The following DENND2A variants were observed in gnomAD, a reference collection of about 807,000 sequenced individuals.
The protein encoded by DENND2A is DENN domain containing 2A, also known as DENN domain-containing protein 2A.
In DENND2A, 53 loss-of-function variants were observed where a neutral mutation model predicts 105.3. That is an observed-to-expected ratio of 0.50 (90% CI 0.40 to 0.63). The LOEUF is 0.63. Among genes scored for constraint, DENND2A ranks in the 30% least tolerant of loss-of-function variants. The pLI is 0.00. For synonymous variants in DENND2A, 522 were observed against 508.4 expected, an observed-to-expected ratio of 1.03 and a Z score of -0.36; for missense variants, 1,138 against 1,279.6, an observed-to-expected ratio of 0.89 and a Z score of 1.69.
intron 1 of DENND2A, among the ~76,000 whole-genome samples, chr7:140,624,489 C>T (rs1800432170): frequency 6.6e-6 from 1 of 152,108 alleles, no homozygotes; most frequent in Non-Finnish European, 1.5e-5. Context: ...ACACTGTGGC[C>T]CAGGGGGGTT....
intron 3 of DENND2A, among the ~76,000 whole-genome samples, chr7:140,598,375 T>C (rs1328784999): frequency 1.3e-5 from 2 of 152,234 alleles, no homozygotes; most frequent in Non-Finnish European, 2.9e-5. Flanking sequence ...AGTGAAACTC[T>C]AGATGCGTTA....
chr7:140,576,800 A>G (rs10227869), intron 5 of DENND2A, among the ~76,000 whole-genome samples: 4,060 of 152,320 alleles, frequency 0.027, 185 homozygotes, highest in African/African-American at 0.092. Context: ...CACAAAAAGA[A>G]GGAAGAGGGG....
At position 140,527,176 on chromosome 7, in the gene DENND2A, C is replaced by T; in HGVS notation, c.2505+142G>A. ...AGTCAGCCTCTGGGCAGGACCCATG[C>T]CAGACAAAGCCCTGGTGCCCCCACG... On this transcript the variant is annotated intron_variant, in intron 15 of 19. Coordinates refer to ENST00000496613, the MANE Select transcript of DENND2A (RefSeq NM_015689.5). The surrounding 1 kb of genome is among the most constrained non-coding windows in gnomAD (Gnocchi z 4.9). The T allele has an allele frequency of 1.1e-6, 1 of 881,764 alleles. No homozygotes were observed. Among genetic ancestry groups the T allele is most frequent in the Non-Finnish European group, 1.7e-6 (1 of 601,676 alleles). The allele number at this position is 881,764 out of a possible 1,614,324, so 54.6% of individuals were successfully genotyped here.
chr7:140,570,454 C>T (rs376969112), intron 6 of DENND2A, among the ~76,000 whole-genome samples: 37 of 152,348 alleles, frequency 2.4e-4, no homozygotes, highest in African/African-American at 8.4e-4. Flanking sequence ...CCAGGCAGGG[C>T]TCCCTTCATG....
At chr7:140,545,953 A>T (rs898182320) in intron 13 of DENND2A, among the ~76,000 whole-genome samples, 2 of 152,082 alleles carry the variant, frequency 1.3e-5, no homozygotes, top group East Asian at 3.8e-4. Flanking sequence ...CTGGGAAACT[A>T]GGTTGTTCCA....
At chr7:140,586,145 G>C (rs1798770071) in intron 4 of DENND2A, among the ~76,000 whole-genome samples, 1 of 152,096 alleles carries the variant, frequency 6.6e-6, no homozygotes, top group Admixed American at 6.6e-5. Flanking sequence ...AAGAAGATAT[G>C]GATTCCAGGA....
chr7:140,573,836 T>C lies in DENND2A; in HGVS notation c.1418A>G (p.Asn473Ser). The C allele has an allele frequency of 6.2e-7, 1 of 1,613,964 alleles. No homozygotes were observed. The highest frequency in any genetic ancestry group is 1.3e-5 in the African/African-American group (1 of 75,024). The stretch of plus-strand genomic sequence containing the variant: ...GGGTATCTTTCTCTTCTTCCTGCCG[T>C]TCTGTGGGTCTCCAAGGTTAAAGAA... Reference protein sequence around the residue: ...DIFFNLGDPQNGRKKRKIPKL... With the variant: ...DIFFNLGDPQSGRKKRKIPKL... The change falls in exon 6 of 20, where the codon AAC becomes AGC. Residue 473 changes from asparagine to serine, a missense_variant. Asn to Ser is a conservative substitution (Grantham distance 46, BLOSUM62 1). Coordinates refer to ENST00000496613, the MANE Select transcript of DENND2A (RefSeq NM_015689.5).
intron 1 of DENND2A, among the ~76,000 whole-genome samples, chr7:140,639,439 G>GAC (rs10611078): frequency 0.023 from 3,435 of 150,190 alleles, 51 homozygotes; most frequent in African/African-American, 0.048. Context: ...AACCGTCTCT[G>GAC]ACACACACAC....
At chr7:140,634,975 A>T (rs1474859765) in intron 1 of DENND2A, among the ~76,000 whole-genome samples, 1 of 151,898 alleles carries the variant, frequency 6.6e-6, no homozygotes, top group Non-Finnish European at 1.5e-5. Context: ...AAAAAAAAAA[A>T]ATTTTGGCCA....
At chr7:140,631,301 G>T (rs1800725705) in intron 1 of DENND2A, among the ~76,000 whole-genome samples, 2 of 152,114 alleles carry the variant, frequency 1.3e-5, no homozygotes, top group African/African-American at 2.4e-5. Flanking sequence ...TTCTTTCTTG[G>T]TCCCAAAAGG....
intron 1 of DENND2A, among the ~76,000 whole-genome samples, chr7:140,621,932 T>C (rs1800308971): frequency 6.6e-6 from 1 of 152,146 alleles, no homozygotes. Context: ...CACCAGCCAC[T>C]GAATGAAAAG....
chr7:140,554,037 C>T (rs1332540354), intron 12 of DENND2A, among the ~76,000 whole-genome samples: 1 of 151,874 alleles, frequency 6.6e-6, no homozygotes, highest in Non-Finnish European at 1.5e-5. Context: ...ACCATCCTGG[C>T]CAACATGGTG....
intron 1 of DENND2A, among the ~76,000 whole-genome samples, chr7:140,612,643 G>A (rs1799942532): frequency 6.6e-6 from 1 of 151,786 alleles, no homozygotes; most frequent in Admixed American, 6.6e-5. Flanking sequence ...CTGGAATTAT[G>A]GTCATGTACC....
intron 5 of DENND2A, among the ~76,000 whole-genome samples, chr7:140,579,091 C>T (rs1302580038): frequency 1.3e-5 from 2 of 152,114 alleles, no homozygotes; most frequent in South Asian, 2.1e-4. Flanking sequence ...GTCAAGAGAT[C>T]GAGACCATCT....
intron 18 of DENND2A, among the ~76,000 whole-genome samples, chr7:140,520,368 C>A (rs1171484085): frequency 6.6e-6 from 1 of 151,886 alleles, no homozygotes; most frequent in Non-Finnish European, 1.5e-5. Context: ...TGTGCTCTCC[C>A]ATTTCCCTGC....
At chr7:140,568,602 G>A (rs542279254) in intron 8 of DENND2A, among the ~76,000 whole-genome samples, 161 bp downstream of exon 8, 67 of 152,260 alleles carry the variant, frequency 4.4e-4, no homozygotes, top group African/African-American at 1.5e-3. Flanking sequence ...ATGACGGACC[G>A]GCTCTGGAGC....
Position 140,523,217 on chromosome 7 carries a change from A to T in DENND2A, c.2665+90T>A. The T allele has an allele frequency of 8.3e-7, 1 of 1,198,608 alleles. No individual in the cohort carries two copies. Among genetic ancestry groups the T allele is most frequent in the African/African-American group, 1.5e-5 (1 of 66,958 alleles). 74.2% of individuals were successfully genotyped at this position (1,198,608 alleles called of 1,614,324 possible). ...CTCTCCTTATGTCTCCCTTGCCCATATTCCTACTTGGCCCTTGGCCACTGC... is the reference window on the plus strand; with the variant it reads ...CTCTCCTTATGTCTCCCTTGCCCATTTTCCTACTTGGCCCTTGGCCACTGC... On this transcript the variant is annotated intron_variant, in intron 17 of 19. Transcript: ENST00000496613. The surrounding 1 kb of genome is among the most constrained non-coding windows in gnomAD (Gnocchi z 4.5).
intron 3 of DENND2A, among the ~76,000 whole-genome samples, chr7:140,599,621 A>C (rs531924930): frequency 1.1e-3 from 172 of 152,114 alleles, no homozygotes; most frequent in African/African-American, 3.9e-3. Context: ...TAAGTAGCAA[A>C]ACTAGTAATG....
chr7:140,639,203 T>G (rs1474422012), intron 1 of DENND2A, among the ~76,000 whole-genome samples: 2 of 151,736 alleles, frequency 1.3e-5, no homozygotes, highest in Non-Finnish European at 2.9e-5. Context: ...AATACAAAAA[T>G]TAGCTGGGTG....
Sources: gnomAD v4.1 joint callset for allele counts (sites outside exome capture counted in the v4.1 genomes callset) on GRCh38, gnomAD v4.1.1 for gene constraint, Gnocchi (gnomAD v3.1) non-coding constraint, MANE v1.5 for transcripts, NCBI Gene and HGNC (gene_info 2026-07-23, HGNC 2026-07-21) for gene names.